BRINP1: variants seen among roughly 807,000 people sequenced by gnomAD.
BRINP1 encodes BMP/retinoic acid inducible neural specific 1, also known as BMP/retinoic acid-inducible neural-specific protein 1.
A neutral mutation model predicts 72.9 loss-of-function variants in BRINP1; 17 were observed. The observed-to-expected ratio is 0.23, with a 90% CI of 0.16 to 0.35. The LOEUF is 0.35. Ranked by LOEUF, BRINP1 falls within the 10% of genes least tolerant of loss-of-function variation. The pLI is 1.00. For missense variants in BRINP1, 850 were observed against 1,001.6 expected (o/e 0.85, Z 2.04); for synonymous variants, 418 against 378.5 (o/e 1.10, Z -1.21).
At chr9:119,253,119 T>A (rs1830410486) in intron 2 of BRINP1, among the ~76,000 whole-genome samples, 1 of 152,076 alleles carries the variant, frequency 6.6e-6, no homozygotes, top group Non-Finnish European at 1.5e-5. Flanking sequence ...CGGACAGAGT[T>A]TTTTATCCCA....
chr9:119,289,722 C>G (rs1830803023), intron 2 of BRINP1, among the ~76,000 whole-genome samples: 1 of 152,194 alleles, frequency 6.6e-6, no homozygotes, highest in Non-Finnish European at 1.5e-5. Flanking sequence ...ATTCTAAGTT[C>G]TCCTCAACTC....
intron 7 of BRINP1, among the ~76,000 whole-genome samples, chr9:119,173,247 C>T (rs1423188807): frequency 4.6e-5 from 7 of 150,984 alleles, no homozygotes; most frequent in Non-Finnish European, 8.8e-5. Context: ...TGTTTCAGCC[C>T]AAAATCTCCT....
intron 2 of BRINP1, among the ~76,000 whole-genome samples, chr9:119,258,828 T>C (rs1245066237): frequency 6.6e-6 from 1 of 151,970 alleles, no homozygotes; most frequent in Non-Finnish European, 1.5e-5. Context: ...AGATAGGGAG[T>C]ATGATCATCC....
intron 1 of BRINP1, among the ~76,000 whole-genome samples, chr9:119,341,905 A>G (rs1831410215): frequency 6.6e-6 from 1 of 152,062 alleles, no homozygotes; most frequent in South Asian, 2.1e-4. Context: ...CTGGGACTAT[A>G]GGCACACGCC....
At chr9:119,271,344 T>C (rs1426936408) in intron 2 of BRINP1, among the ~76,000 whole-genome samples, 1 of 150,308 alleles carries the variant, frequency 6.7e-6, no homozygotes, top group Non-Finnish European at 1.5e-5. Flanking sequence ...AAAATCAATA[T>C]GTGGCCTTTG....
chr9:119,202,685 C>T (rs1321411148), intron 7 of BRINP1, among the ~76,000 whole-genome samples: 3 of 152,128 alleles, frequency 2.0e-5, no homozygotes, highest in African/African-American at 2.4e-5. Context: ...AGCTCTCCTG[C>T]GGGCTAACAG....
intron 5 of BRINP1, among the ~76,000 whole-genome samples, chr9:119,227,627 G>T (rs1830105472): frequency 6.6e-6 from 1 of 152,054 alleles, no homozygotes; most frequent in Non-Finnish European, 1.5e-5. Flanking sequence ...GGACAAGAGA[G>T]GCTGTAGGCA....
intron 2 of BRINP1, 38 bp from the exon 3 acceptor site, chr9:119,249,188 A>G: frequency 1.3e-6 from 2 of 1,582,532 alleles, no homozygotes; most frequent in Non-Finnish European, 8.6e-7. Flanking sequence ...TCAACTTACC[A>G]CCATTACCCT....
At chr9:119,276,800 CGTTT>C (rs1039274284) in intron 2 of BRINP1, among the ~76,000 whole-genome samples, 27 of 152,134 alleles carry the variant, frequency 1.8e-4, no homozygotes, top group Admixed American at 1.8e-3. Flanking sequence ...GTCTTAATTT[CGTTT>C]ATCTTCCCTT....
intron 2 of BRINP1, among the ~76,000 whole-genome samples, chr9:119,251,994 C>G (rs118053579): frequency 1.5e-4 from 23 of 152,264 alleles, no homozygotes; most frequent in Admixed American, 3.3e-4. Flanking sequence ...CTTTCTCTGT[C>G]TCTGTCTCTT....
intron 7 of BRINP1, among the ~76,000 whole-genome samples, chr9:119,180,701 T>A (rs1196555964): frequency 6.6e-6 from 1 of 152,210 alleles, no homozygotes; most frequent in Non-Finnish European, 1.5e-5. Flanking sequence ...TTACCCTCTT[T>A]GAGTTTCTAA....
intron 7 of BRINP1, among the ~76,000 whole-genome samples, chr9:119,174,736 G>A (rs1304983250): frequency 3.3e-5 from 5 of 151,662 alleles, no homozygotes; most frequent in Non-Finnish European, 7.4e-5. Flanking sequence ...AACAATGATA[G>A]ACTGGATTAA....
At chr9:119,240,514 A>G (rs1830236060) in intron 4 of BRINP1, among the ~76,000 whole-genome samples, 2 of 152,176 alleles carry the variant, frequency 1.3e-5, no homozygotes, top group African/African-American at 4.8e-5. Context: ...CAGAGCTTCA[A>G]TATCTCAATT....
At chr9:119,276,143 C>T (rs1383526324) in intron 2 of BRINP1, among the ~76,000 whole-genome samples, 3 of 152,118 alleles carry the variant, frequency 2.0e-5, no homozygotes, top group African/African-American at 7.2e-5. Flanking sequence ...ACTCATTTTC[C>T]TGAAATATCT....
intron 2 of BRINP1, among the ~76,000 whole-genome samples, chr9:119,306,604 G>A (rs911800937): frequency 9.9e-5 from 15 of 152,148 alleles, no homozygotes; most frequent in African/African-American, 3.4e-4. Context: ...GGTCTAAGCC[G>A]GTTTTTAATG....
At chr9:119,314,888 T>G (rs7044898) in intron 1 of BRINP1, among the ~76,000 whole-genome samples, 59,342 of 151,860 alleles carry the variant, frequency 0.39, 12,076 homozygotes, top group Non-Finnish European at 0.44. Context: ...TCAATAAATG[T>G]CACGTATCAT....
chr9:119,227,386 C>G (rs1344459761), intron 5 of BRINP1, among the ~76,000 whole-genome samples: 1 of 152,022 alleles, frequency 6.6e-6, no homozygotes, highest in African/African-American at 2.4e-5. Flanking sequence ...TATCCTCAAT[C>G]CCTTTCTTCT....
At chr9:119,319,510 TGGCA>T (rs1831162975) in intron 1 of BRINP1, among the ~76,000 whole-genome samples, 1 of 152,200 alleles carries the variant, frequency 6.6e-6, no homozygotes, top group South Asian at 2.1e-4. Context: ...TATGTTATGA[TGGCA>T]GGGAGTGACT....
chr9:119,269,068 C>A (rs941843027), intron 2 of BRINP1, among the ~76,000 whole-genome samples: 1 of 152,192 alleles, frequency 6.6e-6, no homozygotes, highest in Non-Finnish European at 1.5e-5. Context: ...AGTGAGGGCT[C>A]TAAAGATCCT....
Sources: gnomAD v4.1 joint callset for allele counts (sites outside exome capture counted in the v4.1 genomes callset) on GRCh38, gnomAD v4.1.1 for gene constraint, MANE v1.5 for transcripts, NCBI Gene and HGNC (gene_info 2026-07-23, HGNC 2026-07-21) for gene names.